SPPL3: variants seen among roughly 807,000 people sequenced by gnomAD.
SPPL3 encodes the protein signal peptide peptidase-like 3.
In SPPL3, 5 loss-of-function variants were observed where a neutral mutation model predicts 42.4. The ratio of observed to expected loss-of-function variants is 0.12; its 90% CI spans 0.06 to 0.25. The LOEUF is 0.25. SPPL3 is among the 10% of genes least tolerant of loss of function. The pLI is 1.00. For synonymous variants in SPPL3, 195 were observed against 181.8 expected (o/e 1.07, Z -0.58); for missense variants, 235 against 489.0 (o/e 0.48, Z 4.90).
chr12:120,869,770 C>T (rs534537964), intron 1 of SPPL3, among the ~76,000 whole-genome samples: 1 of 152,272 alleles, frequency 6.6e-6, no homozygotes, highest in East Asian at 1.9e-4. Flanking sequence ...AAAATGGAAA[C>T]TACTACATCT....
At position 120,767,542 on chromosome 12, in the gene SPPL3, A is replaced by G. The variant is rs1195634023; in HGVS notation, c.825T>C (p.Pro275=). The G allele has an allele frequency of 6.2e-7, 1 of 1,614,232 alleles. No homozygotes were observed. The highest frequency in any genetic ancestry group is 1.7e-5 in the Admixed American group (1 of 60,030). Reference sequence around the variant, plus strand: ...GAAGGACAAAGCATAGTAGGAGACCAGGCATAACGATGTCTCCGATGCCCA... The same window carrying G: ...GAAGGACAAAGCATAGTAGGAGACCGGGCATAACGATGTCTCCGATGCCCA... ...SMLGIGDIVM[P]GLLLCFVLRY... Residue 275 remains proline, a synonymous_variant, in exon 9 of 11, where the codon CCT becomes CCC. Coordinates refer to ENST00000353487, the MANE Select transcript of SPPL3 (RefSeq NM_139015.5).
intron 1 of SPPL3, among the ~76,000 whole-genome samples, chr12:120,840,082 C>T (rs1871764374): frequency 6.6e-6 from 1 of 151,638 alleles, no homozygotes; most frequent in Non-Finnish European, 1.5e-5. Flanking sequence ...AGTTCAAGAC[C>T]AGCCTGGCCA....
intron 1 of SPPL3, among the ~76,000 whole-genome samples, chr12:120,838,528 T>C (rs1246817589): frequency 6.6e-6 from 1 of 152,248 alleles, no homozygotes; most frequent in East Asian, 1.9e-4. Context: ...GATCAAGTCT[T>C]GGCTGAAGCC....
rs1868952408 is a variant in SPPL3 at position 120,767,437 on chromosome 12, C to T, written c.930G>A (p.Gln310=). ...GGGTGCAGTGAAAGTAGGAGACCTT[C>T]TGCATGCGCCCGGAGATGTTGGCAG... ...PGPANISGRM[Q]KVSYFHCTLI... Residue 310 remains glutamine, a synonymous_variant, in exon 9 of 11, where the codon CAG becomes CAA. Transcript: ENST00000353487. 1.2e-6 allele frequency: 2 copies of T among 1,613,938 alleles called. No individual in the cohort carries two copies. Among genetic ancestry groups the T allele is most frequent in the Non-Finnish European group, 1.7e-6 (2 of 1,180,034 alleles).
intron 1 of SPPL3, among the ~76,000 whole-genome samples, chr12:120,884,805 T>TG (rs1555254336): frequency 1.3e-4 from 10 of 76,710 alleles, no homozygotes; most frequent in Admixed American, 1.8e-4. Flanking sequence ...GTTTTTTTTT[T>TG]GGGTTTTTTT....
chr12:120,782,746 TC>T lies in SPPL3; in HGVS notation c.410del (p.Gly137AspfsTer41). 6.2e-7 allele frequency: 1 copy of T among 1,607,864 alleles called. No individual in the cohort carries two copies. The highest frequency in any genetic ancestry group is 8.5e-7 in the Non-Finnish European group (1 of 1,176,540). On this transcript the variant is annotated frameshift_variant, in exon 6 of 11. Coordinates refer to ENST00000353487, the MANE Select transcript of SPPL3 (RefSeq NM_139015.5). LOFTEE classifies it high-confidence loss of function. ...ACAGCAACTCAGCAGCAGTGAAACG[TC>T]CACAGCAACCAAAGGAAATCCTGGA... ...PQNKISFGCC[G>X]RFTAAELLSF... is the part of the protein sequence containing the mutation.
intron 1 of SPPL3, among the ~76,000 whole-genome samples, chr12:120,852,141 C>T: frequency 6.6e-6 from 1 of 151,968 alleles, no homozygotes. Flanking sequence ...CCTCACATTA[C>T]TGCTTGTACA....
In SPPL3 at chr12:120,794,766, C is replaced by T. The variant is rs377414843; in HGVS notation, c.102-3209G>A. 1.1e-4 allele frequency among the ~76,000 whole-genome samples: 17 copies of T among 152,230 alleles called. No homozygotes were observed. The East Asian group carries it at 2.9e-3, about 26-fold the overall frequency. On this transcript the variant is annotated intron_variant, in intron 2 of 10. Transcript: ENST00000353487. ...ATCAGTGATACAATTAAGTTTGAGC[C>T]TATCATCTTACTATTTGTTTCCTAC...
chr12:120,888,452 G>T (rs978747902), intron 1 of SPPL3, among the ~76,000 whole-genome samples: 3 of 152,118 alleles, frequency 2.0e-5, no homozygotes, highest in Admixed American at 6.6e-5. Flanking sequence ...GCTGAATGTG[G>T]TATAAAAAAG....
chr12:120,798,063 T>C (rs1478868036), intron 2 of SPPL3, among the ~76,000 whole-genome samples: 1 of 152,170 alleles, frequency 6.6e-6, no homozygotes, highest in African/African-American at 2.4e-5. Context: ...GCCAACGAAC[T>C]GTTTAGCAAA....
At position 120,891,551 on chromosome 12, in the gene SPPL3, C is replaced by G. The variant is rs181048060; in HGVS notation, c.23+12294G>C. On this transcript the variant is annotated intron_variant, in intron 1 of 10. Coordinates refer to ENST00000353487, the MANE Select transcript of SPPL3 (RefSeq NM_139015.5). Reference sequence around the variant, plus strand: ...GTTTCTATTAAAAAAATTTTTTTAGCTTTTTAAACAAAAGCGTAATACAAA... The same window carrying G: ...GTTTCTATTAAAAAAATTTTTTTAGGTTTTTAAACAAAAGCGTAATACAAA... 9.2e-5 allele frequency among the ~76,000 whole-genome samples: 14 copies of G among 151,990 alleles called. No homozygotes were observed. In the East Asian group the frequency reaches 2.7e-3, roughly 29 times the overall value.
chr12:120,842,657 T>C (rs11065290), intron 1 of SPPL3, among the ~76,000 whole-genome samples: 7,948 of 152,080 alleles, frequency 0.052, 310 homozygotes, highest in Non-Finnish European at 0.075. Context: ...CATCCTCACA[T>C]GGTAGAATAG....
intron 1 of SPPL3, among the ~76,000 whole-genome samples, chr12:120,824,060 T>C (rs915261516): frequency 3.3e-5 from 5 of 151,968 alleles, no homozygotes; most frequent in South Asian, 2.1e-4. Flanking sequence ...TTAGTAGAGA[T>C]GGGGTTTCAC....
chr12:120,770,970 A>G (rs975284190), intron 6 of SPPL3, among the ~76,000 whole-genome samples: 2 of 152,028 alleles, frequency 1.3e-5, no homozygotes, highest in African/African-American at 4.8e-5. Flanking sequence ...TTTGCTTCCA[A>G]TTGTGCAGAC....
intron 1 of SPPL3, among the ~76,000 whole-genome samples, chr12:120,853,297 G>A (rs1210239414): frequency 1.3e-5 from 2 of 152,110 alleles, no homozygotes; most frequent in Non-Finnish European, 2.9e-5. Flanking sequence ...TGATTTCTAA[G>A]TCTACAGAAC....
chr12:120,899,888 CAAAA>C (rs34814522), intron 1 of SPPL3, among the ~76,000 whole-genome samples: 1 of 71,702 alleles, frequency 1.4e-5, no homozygotes, highest in Admixed American at 1.9e-4. Flanking sequence ...GACCCTGTCT[CAAAA>C]AAAAAAAAAA....
chr12:120,771,424 C>T (rs768279331), intron 6 of SPPL3, among the ~76,000 whole-genome samples: 8 of 152,370 alleles, frequency 5.3e-5, no homozygotes, highest in South Asian at 2.1e-4. Flanking sequence ...CTCCGCTCCT[C>T]GTCTTTCACA....
intron 1 of SPPL3, among the ~76,000 whole-genome samples, chr12:120,897,233 G>T (rs1029378072): frequency 6.6e-6 from 1 of 152,108 alleles, no homozygotes; most frequent in African/African-American, 2.4e-5. Context: ...TAAATTGATA[G>T]TACTACCTGA....
intron 1 of SPPL3, among the ~76,000 whole-genome samples, chr12:120,900,309 G>C (rs1305394129): frequency 6.6e-6 from 1 of 150,922 alleles, no homozygotes; most frequent in Non-Finnish European, 1.5e-5. Context: ...GTGCAAATCT[G>C]TTTAAAAAAA....
Sources: allele counts gnomAD v4.1 joint callset (sites outside exome capture counted in the v4.1 genomes callset), GRCh38; gene constraint gnomAD v4.1.1; transcripts MANE v1.5; gene names NCBI Gene and HGNC (gene_info 2026-07-23, HGNC 2026-07-21).